The following OR1B1 variants were observed in gnomAD, a reference collection of about 807,000 sequenced individuals.
OR1B1 encodes the protein olfactory receptor family 1 subfamily B member 1.
For missense variants in OR1B1, 414 were observed against 402.1 expected, an observed-to-expected ratio of 1.03 and a Z score of -0.25; for synonymous variants, 168 against 156.2, an observed-to-expected ratio of 1.08 and a Z score of -0.57.
At chr9:122,656,143 T>C in the OR1B1 span, among the ~76,000 whole-genome samples, 2 of 151,988 alleles carry the variant, frequency 1.3e-5, no homozygotes, top group Non-Finnish European at 2.9e-5. Context: ...CCATTTTTTG[T>C]TGTTGTTGTT....
At chr9:122,628,469 T>G, downstream of OR1B1, 1 of 694,520 alleles carries the variant, frequency 1.4e-6, no homozygotes, top group Non-Finnish European at 2.6e-6. Flanking sequence ...AAATCTGGAG[T>G]TCCTTAAGTT....
At chr9:122,639,968 G>A in the OR1B1 span, among the ~76,000 whole-genome samples, 2 of 151,884 alleles carry the variant, frequency 1.3e-5, no homozygotes, top group African/African-American at 4.8e-5. Flanking sequence ...CACTCCACAT[G>A]CATGATTTCA....
At chr9:122,657,225 G>C in the OR1B1 span, among the ~76,000 whole-genome samples, 3 of 150,806 alleles carry the variant, frequency 2.0e-5, no homozygotes, top group Middle Eastern at 6.8e-3. Context: ...ACAAATAATA[G>C]AAAATTGTTA....
upstream of OR1B1, among the ~76,000 whole-genome samples, chr9:122,634,394 G>C (rs1198772068): frequency 2.6e-5 from 4 of 151,632 alleles, no homozygotes; most frequent in Non-Finnish European, 5.9e-5. Context: ...AGAAATACCC[G>C]AGACTGGGTG....
the OR1B1 span, among the ~76,000 whole-genome samples, chr9:122,651,796 G>A: frequency 6.6e-6 from 1 of 152,100 alleles, no homozygotes; most frequent in Non-Finnish European, 1.5e-5. Context: ...TATCATTTCA[G>A]ATATATGTAC....
At chr9:122,651,503 G>A in the OR1B1 span, among the ~76,000 whole-genome samples, 9 of 152,092 alleles carry the variant, frequency 5.9e-5, no homozygotes, top group East Asian at 1.7e-3. Flanking sequence ...AGTGTCCTCT[G>A]TTCTACTTTT....
chr9:122,650,898 C>T, the OR1B1 span, among the ~76,000 whole-genome samples: 1 of 151,734 alleles, frequency 6.6e-6, no homozygotes, highest in Non-Finnish European at 1.5e-5. Flanking sequence ...GGTGGCGGGC[C>T]CCTGTAGCCC....
the OR1B1 span, among the ~76,000 whole-genome samples, chr9:122,636,250 C>A: frequency 0.059 from 9,038 of 152,268 alleles, 889 homozygotes; most frequent in African/African-American, 0.21. Context: ...TACACTGTTA[C>A]CATGTGTGTA....
the OR1B1 span, among the ~76,000 whole-genome samples, chr9:122,642,498 C>CCCTAGAGATCTTT: frequency 2.6e-3 from 395 of 152,126 alleles, no homozygotes; most frequent in African/African-American, 9.1e-3. Flanking sequence ...AGTTGTGGGG[C>CCCTAGAGATCTTT]CCTAGAGATC....
At chr9:122,652,172 T>C in the OR1B1 span, among the ~76,000 whole-genome samples, 228 of 152,340 alleles carry the variant, frequency 1.5e-3, no homozygotes, top group African/African-American at 5.2e-3. Context: ...ACTGTTTTCC[T>C]ATTACTGATT....
chr9:122,629,557 A>G (rs776833713), exon 1 of OR1B1: 3 of 1,486,308 alleles, frequency 2.0e-6, no homozygotes, highest in South Asian at 1.2e-5. Flanking sequence ...AGCCTGCCTG[A>G]AAGACAGTTT....
At chr9:122,649,947 T>C in the OR1B1 span, among the ~76,000 whole-genome samples, 43,413 of 152,100 alleles carry the variant, frequency 0.29, 6,990 homozygotes, top group East Asian at 0.59. Context: ...CACATGCACA[T>C]GTATGTTTAT....
the OR1B1 span, among the ~76,000 whole-genome samples, chr9:122,640,926 A>G: frequency 6.6e-6 from 1 of 152,210 alleles, no homozygotes. Context: ...ACATCATACA[A>G]AGACCCTGCC....
the OR1B1 span, among the ~76,000 whole-genome samples, chr9:122,654,645 C>T: frequency 6.6e-6 from 1 of 152,216 alleles, no homozygotes; most frequent in African/African-American, 2.4e-5. Flanking sequence ...TTGTACCCTT[C>T]AGTCAACATG....
At chr9:122,647,755 A>C in the OR1B1 span, among the ~76,000 whole-genome samples, 1 of 152,064 alleles carries the variant, frequency 6.6e-6, no homozygotes, top group Non-Finnish European at 1.5e-5. Context: ...TACAGGAGGG[A>C]AGAGGCTGTG....
the OR1B1 span, among the ~76,000 whole-genome samples, chr9:122,651,197 A>G: frequency 6.6e-6 from 1 of 152,178 alleles, no homozygotes; most frequent in Non-Finnish European, 1.5e-5. Context: ...TTGTTAATTG[A>G]TACATAATAT....
the OR1B1 span, among the ~76,000 whole-genome samples, chr9:122,656,463 A>G: frequency 6.4e-3 from 969 of 152,106 alleles, 9 homozygotes; most frequent in African/African-American, 0.022. Context: ...TATTGCAGGA[A>G]TTATCATGGG....
the OR1B1 span, among the ~76,000 whole-genome samples, chr9:122,652,781 A>G: frequency 7.2e-5 from 11 of 152,194 alleles, no homozygotes; most frequent in Non-Finnish European, 1.3e-4. Context: ...GAATGATCCA[A>G]AATTAACCCT....
At chr9:122,652,754 C>T in the OR1B1 span, among the ~76,000 whole-genome samples, 1 of 151,720 alleles carries the variant, frequency 6.6e-6, no homozygotes, top group African/African-American at 2.4e-5. Context: ...AACTTCAGCT[C>T]CAGATGATTT....
Sources: gnomAD v4.1 joint callset for allele counts (sites outside exome capture counted in the v4.1 genomes callset) on GRCh38, gnomAD v4.1.1 for gene constraint, MANE v1.5 for transcripts, NCBI Gene and HGNC (gene_info 2026-07-23, HGNC 2026-07-21) for gene names.